The following LRRC34 variants were observed in gnomAD, a reference collection of about 807,000 sequenced individuals.
LRRC34 encodes leucine rich repeat containing 34.
LRRC34 carries 44 observed loss-of-function variants against 48.5 expected under a neutral mutation model. The ratio of observed to expected loss-of-function variants is 0.91; its 90% CI spans 0.71 to 1.17. LRRC34 has a LOEUF of 1.17. Ranked by LOEUF, LRRC34 falls within the 50% of genes most tolerant of loss-of-function variation. LRRC34 has a pLI of 0.00. For missense variants in LRRC34, 502 were observed against 563.0 expected, an observed-to-expected ratio of 0.89 and a Z score of 1.10; for synonymous variants, 192 against 197.6, an observed-to-expected ratio of 0.97 and a Z score of 0.24.
At chr3:169,796,025 A>C in intron 9 of LRRC34, 189 bp downstream of exon 9, 1 of 1,269,686 alleles carries the variant, frequency 7.9e-7, no homozygotes, top group African/African-American at 1.6e-5. Flanking sequence ...CGTTAATAGA[A>C]TCAGTCTAAT....
chr3:169,808,787 A>G, intron 1 of LRRC34, 42 bp from the exon 2 acceptor site: 1 of 1,133,104 alleles, frequency 8.8e-7, no homozygotes. Flanking sequence ...AAATTATTCT[A>G]GAAGCTTTAA....
At chr3:169,796,145 AG>A (rs1357229894) in intron 9 of LRRC34, 68 bp downstream of exon 9, 2 of 1,504,340 alleles carry the variant, frequency 1.3e-6, no homozygotes, top group Non-Finnish European at 8.8e-7. Context: ...TTAAGAGTTA[AG>A]GGGATTGAGG....
chr3:169,794,453 G>A (rs7643115), intron 10 of LRRC34: 31,943 of 148,056 alleles, frequency 0.22, 4,405 homozygotes, highest in East Asian at 0.57. Flanking sequence ...TTGCTCTGTC[G>A]CCAAGCTGGA....
intron 10 of LRRC34, chr3:169,794,075 A>C (rs1282174082): frequency 5.4e-6 from 2 of 368,088 alleles, no homozygotes; most frequent in Non-Finnish European, 9.8e-6. Context: ...TTAATGTATT[A>C]GACATGTTTT....
chr3:169,806,777 CT>C, intron 5 of LRRC34, 70 bp downstream of exon 5: 1 of 889,832 alleles, frequency 1.1e-6, no homozygotes, highest in South Asian at 1.6e-5. Flanking sequence ...ACATTGGACA[CT>C]GTTGGTTCCA....
chr3:169,800,532 A>G, intron 7 of LRRC34, 127 bp downstream of exon 7: 1 of 473,208 alleles, frequency 2.1e-6, no homozygotes, highest in Non-Finnish European at 3.6e-6. Flanking sequence ...TATAAATAGT[A>G]GTTTACAAGA....
intron 1 of LRRC34, among the ~76,000 whole-genome samples, chr3:169,810,996 G>C (rs1210330508): frequency 2.0e-5 from 3 of 152,170 alleles, no homozygotes; most frequent in African/African-American, 7.2e-5. Flanking sequence ...TGCGGGAGGT[G>C]GAGGTTACAA....
rs888641296 is a variant in LRRC34, at chr3:169,796,340, T to TA, written c.937dup (p.Tyr313LeufsTer4). ...GTTGCTTTTCAGTACATCAGCCAAATACACCATTCCATCATGAGTTATTTT... is the reference window on the plus strand; with the variant it reads ...GTTGCTTTTCAGTACATCAGCCAAATAACACCATTCCATCATGAGTTATTTT... On this transcript the variant is annotated frameshift_variant, in exon 9 of 11. Transcript: ENST00000446859. LOFTEE classifies it high-confidence loss of function. 1.4e-5 allele frequency: 22 copies of TA among 1,608,040 alleles called. No individual in the cohort carries two copies. The highest frequency in any genetic ancestry group is 1.9e-5 in the Non-Finnish European group (22 of 1,178,528).
rs1302391239 is a variant in LRRC34, at chr3:169,807,515, G to A, written c.380-25C>T. 8 of 1,611,168 alleles carry A rather than the reference G, an allele frequency of 5.0e-6. 1 individual carries two copies. On this transcript the variant is annotated intron_variant, in intron 3 of 10. Transcript: ENST00000446859. ...CCTGAAGCACAGATGAATAGAAGTG[G>A]ATATTCATTATAAAGAATACTTAAA...
At chr3:169,801,802 CTA>C (rs1470955920) in intron 6 of LRRC34, among the ~76,000 whole-genome samples, 1 of 152,076 alleles carries the variant, frequency 6.6e-6, no homozygotes, top group Non-Finnish European at 1.5e-5. Flanking sequence ...ATATTTAACA[CTA>C]TTTTTGTTTT....
At chr3:169,808,212 G>T (rs929377529) in intron 2 of LRRC34, 2 of 155,732 alleles carry the variant, frequency 1.3e-5, no homozygotes, top group African/African-American at 4.8e-5. Flanking sequence ...TGCTCGGGAG[G>T]CCAAGGCAGG....
At chr3:169,806,384 A>G (rs149078218) in intron 5 of LRRC34, among the ~76,000 whole-genome samples, 1 of 152,208 alleles carries the variant, frequency 6.6e-6, no homozygotes, top group South Asian at 2.1e-4. Flanking sequence ...CAGTCCCAAA[A>G]GGCCACATAT....
At chr3:169,795,365 A>G in intron 10 of LRRC34, 120 bp downstream of exon 10, 1 of 1,018,670 alleles carries the variant, frequency 9.8e-7, no homozygotes, top group African/African-American at 1.6e-5. Context: ...ACTTATGTTA[A>G]TTATCAAAAC....
intron 7 of LRRC34, among the ~76,000 whole-genome samples, chr3:169,799,660 A>G (rs36205986): frequency 0.038 from 5,851 of 152,220 alleles, 373 homozygotes; most frequent in African/African-American, 0.13. Flanking sequence ...TCATCTCAAA[A>G]AAGAAAAATA....
In LRRC34 at chr3:169,807,437, T is replaced by G; in HGVS notation, c.433A>C (p.Lys145Gln). The G allele has an allele frequency of 6.2e-7, 1 of 1,613,982 alleles. No homozygotes were observed. Among genetic ancestry groups the G allele is most frequent in the African/African-American group, 1.3e-5 (1 of 75,038 alleles). ...TAGTAAAATAATACCTGAAGCAGTT[T>G]CGCAGCATAGTATGCACCAACATCA... ...LCDVGAYYAAKLLQKQLNLIY... is the reference protein window; with the variant it reads ...LCDVGAYYAAQLLQKQLNLIY... The change falls in exon 4 of 11, where the codon AAA becomes CAA. Residue 145 changes from lysine (K) to glutamine (Q), a missense_variant. Physicochemically the swap from Lys to Gln is moderately conservative, Grantham distance 53. Transcript: ENST00000446859.
At chr3:169,800,823 A>G in intron 6 of LRRC34, 69 bp from the exon 7 acceptor site, 1 of 988,650 alleles carries the variant, frequency 1.0e-6, no homozygotes, top group Non-Finnish European at 1.5e-6. Flanking sequence ...AAATATTTCA[A>G]GATCAGCTAT....
chr3:169,808,294 A>G (rs1779450265), intron 2 of LRRC34, among the ~76,000 whole-genome samples: 1 of 149,698 alleles, frequency 6.7e-6, no homozygotes, highest in East Asian at 2.0e-4. Flanking sequence ...AGCCTGGGCG[A>G]CAGAGGGAGG....
Position 169,793,814 on chromosome 3 carries a change from C to A in LRRC34, c.1216G>T (p.Gly406Cys), listed in dbSNP as rs772428077. 1 of 1,611,034 alleles carries A rather than the reference C, an allele frequency of 6.2e-7. No individual in the cohort carries two copies. Among genetic ancestry groups the A allele is most frequent in the South Asian group, 1.1e-5 (1 of 90,158 alleles). Residue 406 changes from glycine (G) to cysteine (C), a missense_variant, in exon 11 of 11, where the codon GGT becomes TGT. Transcript: ENST00000446859. ...CIAYSDLIQM[G>C]CLKPDNTDVE... ...TCTGTATTGTCTGGTTTTAGACAAC[C>A]CATTTGAATTAAGTCTGAATATGCC...
At chr3:169,807,796 T>G (rs1779435218) in intron 2 of LRRC34, 87 bp from the exon 3 acceptor site, 4 of 1,340,774 alleles carry the variant, frequency 3.0e-6, no homozygotes, top group Non-Finnish European at 4.0e-6. Context: ...CCTTCATGTA[T>G]AAATAGTCAT....
Sources: gnomAD v4.1 joint callset for allele counts (sites outside exome capture counted in the v4.1 genomes callset) on GRCh38, gnomAD v4.1.1 for gene constraint, MANE v1.5 for transcripts, NCBI Gene and HGNC (gene_info 2026-07-23, HGNC 2026-07-21) for gene names.